Variants in SEMA3A observed in about 807,000 individuals in gnomAD.
The protein encoded by SEMA3A is semaphorin 3A.
In SEMA3A, 29 loss-of-function variants were observed where a neutral mutation model predicts 97.9. The observed-to-expected ratio is 0.30, with a 90% CI of 0.22 to 0.40. SEMA3A has a LOEUF of 0.40. SEMA3A is among the 10% of genes least tolerant of loss of function. SEMA3A has a pLI of 1.00. For synonymous variants in SEMA3A, 321 were observed against 323.7 expected (o/e 0.99, Z 0.09); for missense variants, 763 against 951.3 (o/e 0.80, Z 2.60).
intron 3 of SEMA3A, among the ~76,000 whole-genome samples, chr7:84,216,274 T>G (rs1015872940): frequency 1.2e-4 from 18 of 152,008 alleles, no homozygotes; most frequent in African/African-American, 4.3e-4. Flanking sequence ...ACCCGGCTAA[T>G]TTTTGTATTT....
intron 2 of SEMA3A, among the ~76,000 whole-genome samples, chr7:84,337,409 T>C (rs990995008): frequency 2.0e-5 from 3 of 152,128 alleles, no homozygotes; most frequent in African/African-American, 7.2e-5. Flanking sequence ...GCAGGCATCT[T>C]ATGAGAAAAT....
intron 1 of SEMA3A, among the ~76,000 whole-genome samples, chr7:84,159,077 C>T (rs1796943404): frequency 6.6e-6 from 1 of 151,578 alleles, no homozygotes; most frequent in Non-Finnish European, 1.5e-5. Flanking sequence ...TTCATGACTT[C>T]ACATTATCAT....
intron 1 of SEMA3A, among the ~76,000 whole-genome samples, chr7:84,159,127 A>G (rs1176948953): frequency 1.3e-5 from 2 of 152,024 alleles, no homozygotes; most frequent in Admixed American, 6.5e-5. Flanking sequence ...TTTTTTAAAG[A>G]AAGGGACTGC....
intron 1 of SEMA3A, among the ~76,000 whole-genome samples, chr7:84,169,013 T>C (rs1797303340): frequency 6.6e-6 from 1 of 151,786 alleles, no homozygotes; most frequent in African/African-American, 2.4e-5. Context: ...GCTAATATAA[T>C]TGATCCTGAG....
chr7:84,232,469 A>G lies in SEMA3A; in HGVS notation c.-82-37801T>C, dbSNP rs1166953853. ...CTCTCTCTCTGTCACACACACACAC[A>G]CATCAGTAAAGATACAAAAGATTTA... is the stretch of plus-strand genomic sequence containing the variant. On this transcript the variant is annotated intron_variant, in intron 3 of 3. Transcript: ENST00000424555. Among the ~76,000 whole-genome samples the G allele has an allele frequency of 3.3e-5, 5 of 151,284 alleles. 1 individual carries two copies. Among genetic ancestry groups the G allele is most frequent in the African/African-American group, 1.2e-4 (5 of 41,270 alleles).
chr7:84,303,791 T>C (rs2115835900), intron 3 of SEMA3A, among the ~76,000 whole-genome samples: 1 of 152,282 alleles, frequency 6.6e-6, no homozygotes, highest in Middle Eastern at 3.4e-3. Flanking sequence ...TGTCTGACTT[T>C]AGGTTAATAT....
At chr7:84,039,252 C>A (rs1014895279) in intron 6 of SEMA3A, among the ~76,000 whole-genome samples, 6 of 152,052 alleles carry the variant, frequency 3.9e-5, no homozygotes, top group Admixed American at 3.3e-4. Context: ...TCTTACAAAC[C>A]ATAAATGTGT....
chr7:84,332,237 A>T (rs1584245486), intron 2 of SEMA3A, among the ~76,000 whole-genome samples: 1 of 152,122 alleles, frequency 6.6e-6, no homozygotes, highest in East Asian at 1.9e-4. Flanking sequence ...TAAACCCAAA[A>T]TTCTAAGTCC....
At chr7:84,208,575 T>C (rs540962111) in intron 3 of SEMA3A, among the ~76,000 whole-genome samples, 6 of 152,322 alleles carry the variant, frequency 3.9e-5, no homozygotes, top group Non-Finnish European at 7.4e-5. Context: ...GTCATTCAAC[T>C]ATAAACTTTA....
intron 1 of SEMA3A, among the ~76,000 whole-genome samples, chr7:84,161,288 C>T (rs1225347869): frequency 2.6e-5 from 4 of 151,630 alleles, no homozygotes; most frequent in South Asian, 2.1e-4. Context: ...CACTTGAACC[C>T]GGGAGGTGGA....
chr7:84,201,609 T>C (rs1798359787), intron 3 of SEMA3A, among the ~76,000 whole-genome samples: 1 of 152,096 alleles, frequency 6.6e-6, no homozygotes, highest in Admixed American at 6.5e-5. Flanking sequence ...AAATGCCTTG[T>C]TTATTAGTTA....
At chr7:84,202,138 G>A (rs899261444) in intron 3 of SEMA3A, among the ~76,000 whole-genome samples, 1 of 151,896 alleles carries the variant, frequency 6.6e-6, no homozygotes, top group African/African-American at 2.4e-5. Context: ...AATGATATTT[G>A]ATATTTTTGA....
intron 1 of SEMA3A, among the ~76,000 whole-genome samples, chr7:84,143,872 T>C (rs1262038052): frequency 6.6e-6 from 1 of 150,908 alleles, no homozygotes; most frequent in Non-Finnish European, 1.5e-5. Context: ...TCATCATTAT[T>C]ATCATCATTT....
intron 1 of SEMA3A, among the ~76,000 whole-genome samples, chr7:84,484,406 A>T (rs1039669542): frequency 5.9e-5 from 9 of 151,712 alleles, no homozygotes; most frequent in Non-Finnish European, 1.3e-4. Flanking sequence ...CTTTTTTTTT[A>T]AATTATAGAG....
intron 14 of SEMA3A, among the ~76,000 whole-genome samples, chr7:83,977,836 C>G (rs1344878751): frequency 2.8e-5 from 4 of 145,288 alleles, no homozygotes; most frequent in African/African-American, 1.0e-4. Flanking sequence ...CAGAATCTCG[C>G]TCTGTCGCCC....
At chr7:84,190,199 A>G (rs11976488) in intron 1 of SEMA3A, among the ~76,000 whole-genome samples, 9,353 of 151,752 alleles carry the variant, frequency 0.062, 390 homozygotes, top group East Asian at 0.14. Flanking sequence ...CTTTAAGCAG[A>G]GAATCCACAA....
chr7:84,042,658 G>A lies in SEMA3A; in HGVS notation c.667+3666C>T, dbSNP rs147184749. 1.5e-3 allele frequency among the ~76,000 whole-genome samples: 221 copies of A among 152,126 alleles called. 2 individuals carry two copies. The East Asian group carries it at 0.016, about 11-fold the overall frequency. On this transcript the variant is annotated intron_variant, in intron 6 of 16. Transcript: ENST00000265362. The stretch of plus-strand genomic sequence containing the variant: ...TTTTCCACAACAACTATAGGAGATA[G>A]GTAGTACCTCTGTTCATTTTATTAA...
chr7:84,150,990 C>T (rs1203175645), intron 1 of SEMA3A, among the ~76,000 whole-genome samples: 1 of 148,690 alleles, frequency 6.7e-6, no homozygotes, highest in African/African-American at 2.5e-5. Context: ...ACTGACACCT[C>T]ACACTGCAGG....
chr7:84,203,528 T>TATATA (rs1798412012), intron 3 of SEMA3A, among the ~76,000 whole-genome samples: 2 of 37,984 alleles, frequency 5.3e-5, no homozygotes, highest in South Asian at 9.3e-4. Context: ...ATATATATAT[T>TATATA]TTTTTTTTTT....
Sources: gnomAD v4.1 joint callset for allele counts (sites outside exome capture counted in the v4.1 genomes callset) on GRCh38, gnomAD v4.1.1 for gene constraint, MANE v1.5 for transcripts, NCBI Gene and HGNC (gene_info 2026-07-23, HGNC 2026-07-21) for gene names.